The following ANKRD42 variants were observed in gnomAD, a reference collection of about 807,000 sequenced individuals.
ANKRD42 encodes the protein ankyrin repeat domain 42.
ANKRD42 carries 43 observed loss-of-function variants against 51.5 expected under a neutral mutation model. The observed-to-expected ratio is 0.83, with a 90% CI of 0.65 to 1.08. The LOEUF is 1.08. ANKRD42 is among the 50% of genes least tolerant of loss of function. ANKRD42 has a pLI of 0.00. For synonymous variants in ANKRD42, 203 were observed against 213.0 expected, an observed-to-expected ratio of 0.95 and a Z score of 0.41; for missense variants, 608 against 629.3, an observed-to-expected ratio of 0.97 and a Z score of 0.36.
chr11:83,263,981 G>C (rs999475500), downstream of ANKRD42, among the ~76,000 whole-genome samples: 3 of 152,082 alleles, frequency 2.0e-5, no homozygotes, highest in Non-Finnish European at 4.4e-5. Context: ...TTTTCTTTTA[G>C]ACAGCAATTT....
intron 11 of ANKRD42, chr11:83,255,728 C>T (rs1347877656): frequency 4.4e-6 from 3 of 678,786 alleles, no homozygotes; most frequent in Non-Finnish European, 7.1e-6. Context: ...GAAATTTAAT[C>T]AGAGTTGAAA....
chr11:83,212,729 C>A, intron 5 of ANKRD42: 1 of 1,536,006 alleles, frequency 6.5e-7, no homozygotes, highest in Non-Finnish European at 8.7e-7. Context: ...CACCTACCTA[C>A]CTGCATGGCC....
At chr11:83,249,363 C>T (rs1212210535), downstream of ANKRD42, among the ~76,000 whole-genome samples, 1 of 152,122 alleles carries the variant, frequency 6.6e-6, no homozygotes, top group African/African-American at 2.4e-5. Flanking sequence ...TGCACCAACA[C>T]ACCTGGCCAA....
At chr11:83,216,439 C>T (rs1011569828) in intron 5 of ANKRD42, among the ~76,000 whole-genome samples, 1 of 152,090 alleles carries the variant, frequency 6.6e-6, no homozygotes, top group African/African-American at 2.4e-5. Context: ...ATTCTCCTGC[C>T]TCAGCCTCCC....
intron 9 of ANKRD42, among the ~76,000 whole-genome samples, chr11:83,242,632 C>T (rs542322327): frequency 6.9e-6 from 1 of 144,954 alleles, no homozygotes; most frequent in Admixed American, 6.9e-5. Flanking sequence ...GTGGCACGAT[C>T]TTGGCTCACT....
At chr11:83,213,054 C>T (rs1862388641) in intron 5 of ANKRD42, 1 of 1,600,180 alleles carries the variant, frequency 6.2e-7, no homozygotes, top group Non-Finnish European at 8.5e-7. Context: ...AAAAAGAGAA[C>T]TAAGAAGTTC....
At chr11:83,209,261 A>G in intron 3 of ANKRD42, 1 of 628,742 alleles carries the variant, frequency 1.6e-6, no homozygotes, top group Non-Finnish European at 2.9e-6. Context: ...TCAAATCAGA[A>G]TGTAAAATCA....
In ANKRD42 at chr11:83,206,110, G is replaced by A. The variant is rs774363165; in HGVS notation, c.275G>A (p.Arg92Lys). The A allele has an allele frequency of 5.0e-6, 8 of 1,614,086 alleles. No individual in the cohort carries two copies. In the South Asian group the frequency reaches 5.5e-5, roughly 11 times the overall value. Reference protein sequence around the residue: ...HGADITHVTTRGWTASHIAAI... With the variant: ...HGADITHVTTKGWTASHIAAI... ...GCTGATATCACACACGTAACAACGA[G>A]AGGTTGGACAGCATCTCACATAGCT... Residue 92 changes from arginine (R) to lysine (K), a missense_variant, in exon 3 of 11, where the codon AGA becomes AAA. Transcript: ENST00000533342.
chr11:83,233,639 T>C (rs1318829646), intron 7 of ANKRD42, among the ~76,000 whole-genome samples: 1 of 152,190 alleles, frequency 6.6e-6, no homozygotes, highest in Non-Finnish European at 1.5e-5. Context: ...TTTGGCTTGC[T>C]CTTGGTTTTC....
chr11:83,255,853 C>G, exon 12 of ANKRD42: 2 of 1,527,776 alleles, frequency 1.3e-6, no homozygotes, highest in Non-Finnish European at 1.7e-6. Flanking sequence ...AGGAAGACAG[C>G]GCTTCTTGTG....
At chr11:83,221,888 A>G (rs1862728366) in intron 5 of ANKRD42, among the ~76,000 whole-genome samples, 1 of 152,200 alleles carries the variant, frequency 6.6e-6, no homozygotes, top group Non-Finnish European at 1.5e-5. Flanking sequence ...CCTTAGGGAT[A>G]TATTTGTCTT....
chr11:83,195,755 T>C (rs1404685065), intron 1 of ANKRD42, among the ~76,000 whole-genome samples: 1 of 152,152 alleles, frequency 6.6e-6, no homozygotes, highest in African/African-American at 2.4e-5. Context: ...CTTTCTCCTT[T>C]TCTTTTCCCA....
rs577003422 is a variant in ANKRD42, at chr11:83,209,098, T to G, written c.331-1202T>G. Among the ~76,000 whole-genome samples the G allele has an allele frequency of 6.1e-4, 93 of 152,304 alleles. 1 individual carries two copies. In the South Asian group the frequency reaches 0.019, roughly 31 times the overall value. On this transcript the variant is annotated intron_variant, in intron 3 of 10. Coordinates refer to ENST00000533342, the MANE Select transcript of ANKRD42 (RefSeq NM_001300975.2). ...CTAGTCACTTTAATAATTAATTATTTTATTGAGTCCAAAACCCTGTTAACA... is the reference window on the plus strand; with the variant it reads ...CTAGTCACTTTAATAATTAATTATTGTATTGAGTCCAAAACCCTGTTAACA...
In ANKRD42 at chr11:83,210,340, A is replaced by C. The variant is rs144372384; in HGVS notation, c.371A>C (p.Asp124Ala). 1 of 1,613,870 alleles carries C rather than the reference A, an allele frequency of 6.2e-7. No homozygotes were observed. The highest frequency in any genetic ancestry group is 1.3e-5 in the African/African-American group (1 of 74,938). Reference protein sequence around the residue: ...MNGANLTAQDDRGCTPLHLAA... With the variant: ...MNGANLTAQDARGCTPLHLAA... ...GGAGCAAATCTGACAGCCCAGGATG[A>C]CCGGGGATGCACTCCTTTACATCTT... Residue 124 changes from aspartate to alanine, a missense_variant, in exon 4 of 11, where the codon GAC becomes GCC. Transcript: ENST00000533342.
rs754591308 is a variant in ANKRD42, at chr11:83,211,446, C to T, written c.586+16C>T. On this transcript the variant is annotated intron_variant, in intron 5 of 10. Transcript: ENST00000533342. ...AACCTTCCAGGTATTTTAAATAAAG[C>T]AAATATTTTAGTTTTTCATTGATGT... 3.7e-5 allele frequency: 59 copies of T among 1,610,782 alleles called. No homozygotes were observed. In the East Asian group the frequency reaches 1.2e-3, roughly 32 times the overall value.
intron 2 of ANKRD42, among the ~76,000 whole-genome samples, chr11:83,204,401 A>G (rs1401975729): frequency 6.6e-6 from 1 of 152,184 alleles, no homozygotes; most frequent in Non-Finnish European, 1.5e-5. Flanking sequence ...AAAACCACAT[A>G]TTTTCACTTA....
At chr11:83,250,374 T>C (rs1425238466), downstream of ANKRD42, among the ~76,000 whole-genome samples, 1 of 152,202 alleles carries the variant, frequency 6.6e-6, no homozygotes, top group Non-Finnish European at 1.5e-5. Context: ...TTCTCAGATA[T>C]TATCTCATTT....
At chr11:83,210,212 A>AT in intron 3 of ANKRD42, 88 bp from the exon 4 acceptor site, 1 of 1,327,140 alleles carries the variant, frequency 7.5e-7, no homozygotes, top group Non-Finnish European at 1.0e-6. Flanking sequence ...ATAGATTAAT[A>AT]AATTGCTTGC....
At chr11:83,228,869 A>T (rs1026780562) in intron 7 of ANKRD42, among the ~76,000 whole-genome samples, 5 of 152,032 alleles carry the variant, frequency 3.3e-5, no homozygotes, top group African/African-American at 1.2e-4. Context: ...TCTGCTGGCC[A>T]TCCAGGAGTT....
Sources: allele counts gnomAD v4.1 joint callset (sites outside exome capture counted in the v4.1 genomes callset), GRCh38; gene constraint gnomAD v4.1.1; transcripts MANE v1.5; gene names NCBI Gene and HGNC (gene_info 2026-07-23, HGNC 2026-07-21).